The following HS6ST3 variants were observed in gnomAD, a reference collection of about 807,000 sequenced individuals.
HS6ST3 encodes heparan-sulfate 6-O-sulfotransferase 3.
A neutral mutation model predicts 36.7 loss-of-function variants in HS6ST3; 12 were observed. The ratio of observed to expected loss-of-function variants is 0.33; its 90% CI spans 0.21 to 0.53. The LOEUF is 0.53. Ranked by LOEUF, HS6ST3 falls within the 20% of genes least tolerant of loss-of-function variation. The pLI, the probability that HS6ST3 is intolerant of heterozygous loss-of-function variation, is 0.95. For synonymous variants in HS6ST3, 240 were observed against 257.5 expected (o/e 0.93, Z 0.65); for missense variants, 584 against 640.9 (o/e 0.91, Z 0.96).
chr13:96,782,628 G>T (rs773534356), intron 1 of HS6ST3, among the ~76,000 whole-genome samples: 1 of 152,044 alleles, frequency 6.6e-6, no homozygotes, highest in East Asian at 1.9e-4. Flanking sequence ...TAAGTTCCCC[G>T]TGCCTGGCTT....
intron 1 of HS6ST3, among the ~76,000 whole-genome samples, chr13:96,432,483 T>C (rs925052693): frequency 6.6e-6 from 1 of 152,226 alleles, no homozygotes; most frequent in Non-Finnish European, 1.5e-5. Flanking sequence ...ACTTGGTTCA[T>C]TGGCCAAAAG....
At chr13:96,245,819 G>A (rs1302511211) in intron 1 of HS6ST3, among the ~76,000 whole-genome samples, 1 of 152,046 alleles carries the variant, frequency 6.6e-6, no homozygotes, top group Non-Finnish European at 1.5e-5. Context: ...TCAAAAATTT[G>A]CTTATTTGGG....
In HS6ST3 at chr13:96,192,581, T is replaced by A. The variant is rs145955595; in HGVS notation, c.707+101012T>A. Among the ~76,000 whole-genome samples, 55 of 139,234 alleles carry A rather than the reference T, an allele frequency of 4.0e-4. 1 individual carries two copies. Among genetic ancestry groups the A allele is most frequent in the African/African-American group, 1.4e-3 (53 of 36,874 alleles). The allele number at this position is 139,234 out of a possible 152,430, so 91.3% of individuals were successfully genotyped here. A position where few individuals can be genotyped will look rare whatever the true frequency, so the allele number is the denominator to read the frequency against. On this transcript the variant is annotated intron_variant, in intron 1 of 1. Coordinates refer to ENST00000376705, the MANE Select transcript of HS6ST3 (RefSeq NM_153456.4). ...TGTTTTTCACTCTTTTTTTTATGGC[T>A]GTGTATATTCCATGGGATGGATATA...
intron 1 of HS6ST3, among the ~76,000 whole-genome samples, chr13:96,751,997 T>C (rs769207158): frequency 2.0e-5 from 3 of 152,078 alleles, no homozygotes; most frequent in Non-Finnish European, 2.9e-5. Context: ...CTAATACTGA[T>C]GAAGCTCCTT....
At chr13:96,752,966 A>G (rs1260984349) in intron 1 of HS6ST3, among the ~76,000 whole-genome samples, 1 of 152,170 alleles carries the variant, frequency 6.6e-6, no homozygotes, top group Non-Finnish European at 1.5e-5. Context: ...GGTAGGGTTC[A>G]AATATTGTTT....
intron 1 of HS6ST3, among the ~76,000 whole-genome samples, chr13:96,586,298 A>G (rs1224327737): frequency 1.3e-5 from 2 of 151,242 alleles, no homozygotes; most frequent in African/African-American, 2.4e-5. Context: ...GGGTATTTCA[A>G]TGTCTTTTTT....
At chr13:96,615,515 G>A (rs942568834) in intron 1 of HS6ST3, among the ~76,000 whole-genome samples, 5 of 152,194 alleles carry the variant, frequency 3.3e-5, no homozygotes, top group African/African-American at 1.2e-4. Context: ...TCATCTGGAT[G>A]TAGACCCTGT....
intron 1 of HS6ST3, among the ~76,000 whole-genome samples, chr13:96,752,775 A>T (rs916042532): frequency 6.6e-6 from 1 of 152,086 alleles, no homozygotes; most frequent in African/African-American, 2.4e-5. Flanking sequence ...TCTTGATGAT[A>T]AAAGTTTATA....
intron 1 of HS6ST3, among the ~76,000 whole-genome samples, chr13:96,764,567 G>C (rs375248226): frequency 2.6e-5 from 4 of 152,150 alleles, no homozygotes; most frequent in Admixed American, 2.6e-4. Context: ...AAGGTAGATG[G>C]GCAGGATGGT....
intron 1 of HS6ST3, among the ~76,000 whole-genome samples, chr13:96,149,588 G>A (rs1360795521): frequency 1.3e-5 from 2 of 152,126 alleles, no homozygotes; most frequent in Non-Finnish European, 2.9e-5. Flanking sequence ...AATTCATGAT[G>A]CACCATCATC....
intron 1 of HS6ST3, among the ~76,000 whole-genome samples, chr13:96,478,918 AT>A (rs756427474): frequency 6.6e-6 from 1 of 152,174 alleles, no homozygotes; most frequent in Non-Finnish European, 1.5e-5. Flanking sequence ...CTTCTGTCCT[AT>A]ACCTTTGGAA....
chr13:96,189,269 G>GT (rs2054278296), intron 1 of HS6ST3, among the ~76,000 whole-genome samples: 1 of 152,132 alleles, frequency 6.6e-6, no homozygotes, highest in Non-Finnish European at 1.5e-5. Context: ...GAGTTCGTGA[G>GT]TGGGGGCCGA....
chr13:96,695,262 A>G (rs190790219), intron 1 of HS6ST3, among the ~76,000 whole-genome samples: 375 of 152,228 alleles, frequency 2.5e-3, no homozygotes, highest in Admixed American at 7.5e-3. Flanking sequence ...AACATAAGAC[A>G]TCTTCTAATT....
chr13:96,442,072 A>G lies in HS6ST3; in HGVS notation c.707+350503A>G, dbSNP rs1392366862. The stretch of plus-strand genomic sequence containing the variant: ...AGTCTTACTCTGTCTCCCAGGCTGA[A>G]GTGCAGTGAAGTGACCATGGCTCGT... On this transcript the variant is annotated intron_variant, in intron 1 of 1. Coordinates refer to ENST00000376705, the MANE Select transcript of HS6ST3 (RefSeq NM_153456.4). 1.2e-4 allele frequency among the ~76,000 whole-genome samples: 18 copies of G among 151,896 alleles called. 1 individual carries two copies. The highest frequency in any genetic ancestry group is 1.2e-3 in the Admixed American group (18 of 15,248).
At chr13:96,196,759 C>G (rs1412158311) in intron 1 of HS6ST3, among the ~76,000 whole-genome samples, 1 of 152,204 alleles carries the variant, frequency 6.6e-6, no homozygotes, top group Non-Finnish European at 1.5e-5. Flanking sequence ...AGAGACTCAC[C>G]AGTGACATAG....
intron 1 of HS6ST3, among the ~76,000 whole-genome samples, chr13:96,453,856 G>A (rs2055741842): frequency 6.6e-6 from 1 of 152,178 alleles, no homozygotes; most frequent in African/African-American, 2.4e-5. Flanking sequence ...TTTGCTGGCA[G>A]TAATGAAGAG....
In HS6ST3 at chr13:96,403,773, A is replaced by C. The variant is rs376213875; in HGVS notation, c.707+312204A>C. Among the ~76,000 whole-genome samples, 8 of 152,326 alleles carry C rather than the reference A, an allele frequency of 5.3e-5. No individual in the cohort carries two copies. The East Asian group carries it at 1.5e-3, about 29-fold the overall frequency. ...TTCAATGCTTTCATTAGCGTGTATC[A>C]GGGTCATTACAGTAGTGACAGCTAA... On this transcript the variant is annotated intron_variant, in intron 1 of 1. Coordinates refer to ENST00000376705, the MANE Select transcript of HS6ST3 (RefSeq NM_153456.4).
At chr13:96,287,915 T>A in intron 1 of HS6ST3, among the ~76,000 whole-genome samples, 1 of 152,212 alleles carries the variant, frequency 6.6e-6, no homozygotes. Context: ...TGGGGATTGA[T>A]GGTTATCTCC....
intron 1 of HS6ST3, among the ~76,000 whole-genome samples, chr13:96,607,325 C>T (rs1424248003): frequency 1.3e-5 from 2 of 152,148 alleles, no homozygotes; most frequent in East Asian, 3.9e-4. Flanking sequence ...GGGAAAAACA[C>T]ACGAGACATG....
Sources: gnomAD v4.1 joint callset for allele counts (sites outside exome capture counted in the v4.1 genomes callset) on GRCh38, gnomAD v4.1.1 for gene constraint, MANE v1.5 for transcripts, NCBI Gene and HGNC (gene_info 2026-07-23, HGNC 2026-07-21) for gene names.